Variants in TLE4 observed in about 807,000 individuals in gnomAD.
TLE4 encodes the protein TLE family member 4, transcriptional corepressor.
In TLE4, 8 loss-of-function variants were observed where a neutral mutation model predicts 92.8. That is an observed-to-expected ratio of 0.09 (90% CI 0.05 to 0.16). TLE4 has a LOEUF of 0.16. Ranked by LOEUF, TLE4 falls within the 10% of genes least tolerant of loss-of-function variation. The probability of loss-of-function intolerance (pLI) is 1.00; values close to 1 mark genes in which losing one functional copy is unlikely to be tolerated. For synonymous variants in TLE4, 371 were observed against 374.1 expected (o/e 0.99, Z 0.10); for missense variants, 675 against 997.6 (o/e 0.68, Z 4.36).
intron 4 of TLE4, among the ~76,000 whole-genome samples, chr9:79,612,104 C>G (rs1341403159): frequency 3.9e-5 from 6 of 151,996 alleles, no homozygotes; most frequent in Admixed American, 6.6e-5. Context: ...TTTTGTTCTC[C>G]AAGAATTTGT....
chr9:79,627,136 C>T (rs1252295676), intron 5 of TLE4, among the ~76,000 whole-genome samples: 1 of 152,064 alleles, frequency 6.6e-6, no homozygotes, highest in Admixed American at 6.6e-5. Context: ...AAGGAGCATT[C>T]TTCATGGGGT....
chr9:79,665,072 G>T (rs1222029843), intron 8 of TLE4, among the ~76,000 whole-genome samples: 1 of 152,158 alleles, frequency 6.6e-6, no homozygotes, highest in Non-Finnish European at 1.5e-5. Context: ...GTACTGAAAG[G>T]TATTTAGGTG....
chr9:79,679,382 AT>A (rs1203172303), intron 8 of TLE4, among the ~76,000 whole-genome samples: 1 of 152,154 alleles, frequency 6.6e-6, no homozygotes, highest in South Asian at 2.1e-4. Flanking sequence ...GATGATGAGC[AT>A]TTTTTCATGT....
chr9:79,704,684 T>G, intron 8 of TLE4, 99 bp from the exon 9 acceptor site: 1 of 1,489,464 alleles, frequency 6.7e-7, no homozygotes. Context: ...AAGTATATGC[T>G]AAAGAATAAA....
intron 8 of TLE4, among the ~76,000 whole-genome samples, chr9:79,699,361 T>G (rs1734948891): frequency 6.6e-6 from 1 of 152,242 alleles, no homozygotes; most frequent in Non-Finnish European, 1.5e-5. Flanking sequence ...GAATCGTCCC[T>G]GACTCTGATT....
rs1200345060 is a variant in TLE4, at chr9:79,725,931, CAA to C, written c.*789_*790del. On this transcript the variant is annotated 3_prime_UTR_variant, in exon 20 of 20. Transcript: ENST00000376552. ...CAGATGAACAAATTAAATTTGGCCTCAAAGAGAGAACTTACTCCCTTCTGGAT... is the reference window on the plus strand; with the variant it reads ...CAGATGAACAAATTAAATTTGGCCTCAGAGAGAACTTACTCCCTTCTGGAT... 6.6e-6 allele frequency: 1 copy of C among 152,534 alleles called. No individual in the cohort carries two copies. Among genetic ancestry groups the C allele is most frequent in the Admixed American group, 6.5e-5 (1 of 15,286 alleles). The allele number at this position is 152,534 out of a possible 1,614,324, so 9.4% of individuals were successfully genotyped here. A position where few individuals can be genotyped will look rare whatever the true frequency, so the allele number is the denominator to read the frequency against.
intron 4 of TLE4, among the ~76,000 whole-genome samples, chr9:79,586,582 T>G (rs932924493): frequency 1.3e-5 from 2 of 152,182 alleles, no homozygotes; most frequent in African/African-American, 4.8e-5. Flanking sequence ...ACAGTGAGCT[T>G]GACATCTCAA....
intron 8 of TLE4, among the ~76,000 whole-genome samples, 174 bp downstream of exon 8, chr9:79,654,249 A>G (rs976586999): frequency 3.5e-5 from 5 of 143,382 alleles, no homozygotes; most frequent in Non-Finnish European, 6.0e-5. Flanking sequence ...TTTTTTTTTT[A>G]AAGGTCCCAT....
chr9:79,677,143 CTA>C (rs1185699121), intron 8 of TLE4, among the ~76,000 whole-genome samples: 4 of 152,096 alleles, frequency 2.6e-5, no homozygotes, highest in Admixed American at 6.6e-5. Flanking sequence ...GCAATAATAT[CTA>C]TCTTATTGGG....
intron 8 of TLE4, among the ~76,000 whole-genome samples, chr9:79,687,208 C>T (rs553662214): frequency 5.9e-5 from 9 of 152,302 alleles, no homozygotes; most frequent in South Asian, 4.1e-4. Context: ...GGTGATGCAA[C>T]GAGCTCACCA....
intron 8 of TLE4, chr9:79,693,751 T>G: frequency 4.2e-4 from 183 of 435,976 alleles, no homozygotes; most frequent in East Asian, 2.6e-3. Flanking sequence ...ATCATGTCCT[T>G]CGAACCATAT....
At chr9:79,625,839 A>C (rs1449977093) in intron 5 of TLE4, among the ~76,000 whole-genome samples, 1 of 151,126 alleles carries the variant, frequency 6.6e-6, no homozygotes, top group African/African-American at 2.4e-5. Flanking sequence ...TATAAGGAAT[A>C]AAAGAATGGA....
chr9:79,624,491 G>C (rs2133436613), intron 5 of TLE4, among the ~76,000 whole-genome samples: 1 of 152,270 alleles, frequency 6.6e-6, no homozygotes, highest in South Asian at 2.1e-4. Context: ...GCAGAAATAG[G>C]GAAGTAGAAT....
chr9:79,616,529 TG>T (rs1293914517), intron 5 of TLE4, among the ~76,000 whole-genome samples: 1 of 152,084 alleles, frequency 6.6e-6, no homozygotes, highest in Non-Finnish European at 1.5e-5. Flanking sequence ...TTGGGAAGAA[TG>T]TGAATTGATT....
intron 7 of TLE4, 85 bp from the exon 8 acceptor site, chr9:79,653,974 T>C: frequency 7.1e-7 from 1 of 1,414,004 alleles, no homozygotes; most frequent in Non-Finnish European, 1.0e-6. Context: ...GATAAATCAG[T>C]ATGATTTTAT....
Position 79,652,802 on chromosome 9 carries a change from A to G in TLE4, c.592+8A>G. 6.2e-7 allele frequency: 1 copy of G among 1,613,674 alleles called. No homozygotes were observed. The highest frequency in any genetic ancestry group is 8.5e-7 in the Non-Finnish European group (1 of 1,179,676). ...ACAATGATCACCAAAGAGGTGAGTA[A>G]CTCTCTTGGAATGCCAATCTGAGAT... On this transcript the variant is annotated splice_region_variant and intron_variant, in intron 7 of 19. Coordinates refer to ENST00000376552, the MANE Select transcript of TLE4 (RefSeq NM_007005.6).
chr9:79,578,868 C>A (rs543817735), intron 4 of TLE4, among the ~76,000 whole-genome samples: 3 of 138,318 alleles, frequency 2.2e-5, no homozygotes, highest in Admixed American at 7.4e-5. Context: ...GGTGATATGA[C>A]GTGGAATTGG....
chr9:79,624,774 A>G (rs1288728092), intron 5 of TLE4, among the ~76,000 whole-genome samples: 3 of 152,222 alleles, frequency 2.0e-5, no homozygotes, highest in African/African-American at 4.8e-5. Flanking sequence ...AACAGTCTTC[A>G]TGCTAGAATG....
At chr9:79,627,528 GCC>G in intron 6 of TLE4, 80 bp downstream of exon 6, 2 of 1,407,752 alleles carry the variant, frequency 1.4e-6, no homozygotes, top group Non-Finnish European at 2.0e-6. Flanking sequence ...ATTTTGTTCC[GCC>G]AAAGGGGCAA....
Sources: gnomAD v4.1 joint callset for allele counts (sites outside exome capture counted in the v4.1 genomes callset) on GRCh38, gnomAD v4.1.1 for gene constraint, MANE v1.5 for transcripts, NCBI Gene and HGNC (gene_info 2026-07-23, HGNC 2026-07-21) for gene names.